Variants in HSPA5 observed in about 807,000 individuals in gnomAD.
HSPA5 encodes endoplasmic reticulum chaperone BiP.
In HSPA5, 16 loss-of-function variants were observed where a neutral mutation model predicts 49.5. That is an observed-to-expected ratio of 0.32 (90% confidence interval 0.22 to 0.49). HSPA5 has a LOEUF of 0.49. Among genes scored for constraint, HSPA5 ranks in the 20% least tolerant of loss-of-function variants. HSPA5 has a pLI of 0.99. For synonymous variants in HSPA5, 271 were observed against 307.2 expected (o/e 0.88, Z 1.23); for missense variants, 376 against 819.0 (o/e 0.46, Z 6.60).
Position 125,241,186 on chromosome 9 carries a change from A to G in HSPA5, c.-60T>C, listed in dbSNP as rs2131455536. On this transcript the variant is annotated 5_prime_UTR_variant, in exon 1 of 8. Transcript: ENST00000324460. ...GCCACAGGCCGTAGCACAGGAGCACAGCGCAATTTCCGACTTGCAGGCGGC... is the reference window on the plus strand; with the variant it reads ...GCCACAGGCCGTAGCACAGGAGCACGGCGCAATTTCCGACTTGCAGGCGGC... 1 of 1,551,234 alleles carries G rather than the reference A, an allele frequency of 6.4e-7. No homozygotes were observed. Among genetic ancestry groups the G allele is most frequent in the East Asian group, 2.3e-5 (1 of 44,276 alleles).
Position 125,236,822 on chromosome 9 carries a change from T to C in HSPA5, c.1735A>G (p.Lys579Glu). The C allele has an allele frequency of 6.2e-7, 1 of 1,613,802 alleles. No homozygotes were observed. The highest frequency in any genetic ancestry group is 1.1e-5 in the South Asian group (1 of 91,054). The change falls in exon 8 of 8, where the codon AAA becomes GAA. Residue 579 changes from lysine (K) to glutamate (E), a missense_variant. Transcript: ENST00000324460. The stretch of plus-strand genomic sequence containing the variant: ...GAAAGTTTACCTCCCAGCTTTTCTT[T>C]ATCTCCAATCTGATTCTTTAGAGAA... ...AYSLKNQIGD[K>E]EKLGGKLSSE...
At position 125,237,170 on chromosome 9, in the gene HSPA5, A is replaced by G. The variant is rs760584985; in HGVS notation, c.1403-16T>C. 32 of 1,574,888 alleles carry G rather than the reference A, an allele frequency of 2.0e-5. No individual in the cohort carries two copies. The Admixed American group carries it at 5.1e-4, about 25-fold the overall frequency. Reference sequence around the variant, plus strand: ...GGTCTTTCACCTAGAAGTTACATACAGAAAAACTTGTTAGTTGTTACTGAC... The same window carrying G: ...GGTCTTTCACCTAGAAGTTACATACGGAAAAACTTGTTAGTTGTTACTGAC... On this transcript the variant is annotated splice_polypyrimidine_tract_variant and intron_variant, in intron 7 of 7. Coordinates refer to ENST00000324460, the MANE Select transcript of HSPA5 (RefSeq NM_005347.5).
Position 125,241,123 on chromosome 9 carries a change from T to G in HSPA5, c.4A>C (p.Lys2Gln), listed in dbSNP as rs918826597. The change falls in exon 1 of 8, where the codon AAG becomes CAG. Residue 2 changes from lysine (K) to glutamine (Q), a missense_variant. By Grantham distance (53) the Lys-to-Gln change is moderately conservative. This residue lies in a region of HSPA5 where 29 missense variants were observed against 38.7 expected (regional missense o/e 0.75). Transcript: ENST00000324460. M[K>Q]LSLVAAMLLL... ...AGCATCGCGGCCACCAGGGAGAGCT[T>G]CATCTTGCCAGCCAGTTGGGCAGCA... is the stretch of plus-strand genomic sequence containing the variant. The G allele has an allele frequency of 6.2e-7, 1 of 1,610,972 alleles. No homozygotes were observed. The highest frequency in any genetic ancestry group is 1.3e-5 in the African/African-American group (1 of 74,866).
At position 125,240,650 on chromosome 9, in the gene HSPA5, A is replaced by C. The variant is rs776540483; in HGVS notation, c.354+26T>G. ...ACTCCCACCACCCACCCGTTCTCTA[A>C]CTGGATGAGAAAAACCCGGTCGAAC... is the stretch of plus-strand genomic sequence containing the variant. On this transcript the variant is annotated intron_variant, in intron 2 of 7. Transcript: ENST00000324460. This position sits in a 1 kb window ranked among gnomAD's most constrained non-coding sequence, Gnocchi z 4.4. 1 of 1,591,910 alleles carries C rather than the reference A, an allele frequency of 6.3e-7. No individual in the cohort carries two copies. The highest frequency in any genetic ancestry group is 1.1e-5 in the South Asian group (1 of 90,692).
chr9:125,240,356 CA>C lies in HSPA5; in HGVS notation c.355-48del, dbSNP rs1832548803. The C allele has an allele frequency of 6.5e-7, 1 of 1,546,572 alleles. No homozygotes were observed. Among genetic ancestry groups the C allele is most frequent in the Admixed American group, 2.0e-5 (1 of 51,254 alleles). On this transcript the variant is annotated intron_variant, in intron 2 of 7. Transcript: ENST00000324460. The surrounding 1 kb of genome is among the most constrained non-coding windows in gnomAD (Gnocchi z 4.4). ...TTCAGACACAGATACAATGACATCT[CA>C]AAGTTTAAAAGACCCACTACCATCC...
chr9:125,239,550 T>C lies in HSPA5; in HGVS notation c.493-17A>G, dbSNP rs1588431076. The C allele has an allele frequency of 6.4e-7, 1 of 1,561,846 alleles. No individual in the cohort carries two copies. The highest frequency in any genetic ancestry group is 1.4e-5 in the African/African-American group (1 of 73,964). ...ATGGGTAACCTAAAAGGATAAAAGA[T>C]AATTAAGTGTATTGTCACATAGTTT... On this transcript the variant is annotated splice_polypyrimidine_tract_variant and intron_variant, in intron 3 of 7. Coordinates refer to ENST00000324460, the MANE Select transcript of HSPA5 (RefSeq NM_005347.5). The surrounding 1 kb of genome is among the most constrained non-coding windows in gnomAD (Gnocchi z 5.5).
In HSPA5 at chr9:125,240,898, CA is replaced by C; in HGVS notation, c.131del (p.Val44GlyfsTer32). 6.2e-7 allele frequency: 1 copy of C among 1,614,056 alleles called. No homozygotes were observed. The highest frequency in any genetic ancestry group is 8.5e-7 in the Non-Finnish European group (1 of 1,179,868). On this transcript the variant is annotated frameshift_variant, in exon 2 of 8. Coordinates refer to ENST00000324460, the MANE Select transcript of HSPA5 (RefSeq NM_005347.5). LOFTEE classifies it high-confidence loss of function. This position sits in a 1 kb window ranked among gnomAD's most constrained non-coding sequence, Gnocchi z 4.4. ...TGATCTCCACGCGGCCGTTCTTGAA[CA>C]CGCCGACGCTGGCAGAAAAACCCGA... Reference protein sequence around the residue: ...DLGTTYSCVGVFKNGRVEIIA... With the variant: ...DLGTTYSCVGXFKNGRVEIIA...
chr9:125,240,610 CTT>C lies in HSPA5; in HGVS notation c.354+64_354+65del, dbSNP rs1360552437. The stretch of plus-strand genomic sequence containing the variant: ...TGTTGTCTCAACACTTTTCCAGAGA[CTT>C]ATAACTCTAAATACTCCCACCACCC... On this transcript the variant is annotated intron_variant, in intron 2 of 7. Coordinates refer to ENST00000324460, the MANE Select transcript of HSPA5 (RefSeq NM_005347.5). This position sits in a 1 kb window ranked among gnomAD's most constrained non-coding sequence, Gnocchi z 4.4. 12 of 1,336,594 alleles carry C rather than the reference CTT, an allele frequency of 9.0e-6. No individual in the cohort carries two copies. The highest frequency in any genetic ancestry group is 1.3e-5 in the Non-Finnish European group (12 of 938,278). 82.8% of individuals were successfully genotyped at this position (1,336,594 alleles called of 1,614,324 possible). A position where few individuals can be genotyped will look rare whatever the true frequency, so the allele number is the denominator to read the frequency against.
intron 7 of HSPA5, 72 bp from the exon 8 acceptor site, chr9:125,237,226 C>T (rs1832509285): frequency 9.2e-7 from 1 of 1,086,686 alleles, no homozygotes; most frequent in Non-Finnish European, 1.3e-6. Flanking sequence ...CCCCGCATTT[C>T]AGTCTGAAGC....
In HSPA5 at chr9:125,236,865, C is replaced by T. The variant is rs541632037; in HGVS notation, c.1692G>A (p.Glu564=). The change falls in exon 8 of 8, where the codon GAG becomes GAA. Residue 564 remains glutamate, a synonymous_variant. Coordinates refer to ENST00000324460, the MANE Select transcript of HSPA5 (RefSeq NM_005347.5). ...KLKERIDTRN[E]LESYAYSLKN... ...TTAGAGAATAGGCATAGCTTTCCAA[C>T]TCATTTCTAGTATCAATGCGCTCCT... The T allele has an allele frequency of 6.2e-7, 1 of 1,613,992 alleles. No homozygotes were observed. The highest frequency in any genetic ancestry group is 8.5e-7 in the Non-Finnish European group (1 of 1,179,878).
In HSPA5 at chr9:125,238,163, A is replaced by G. The variant is rs146420220; in HGVS notation, c.1380T>C (p.Thr460=). The G allele has an allele frequency of 1.4e-4, 222 of 1,613,592 alleles. No individual in the cohort carries two copies. Among genetic ancestry groups the G allele is most frequent in the Non-Finnish European group, 1.8e-4 (207 of 1,179,832 alleles). Residue 460 remains threonine, a synonymous_variant, in exon 7 of 8, where the codon ACT becomes ACC. Transcript: ENST00000324460. ...IFSTASDNQP[T]VTIKVYEGER... is the part of the protein sequence containing the mutation. ...TACCTTCATAGACCTTGATTGTAACAGTTGGTTGATTATCAGAAGCTGTAG... is the reference window on the plus strand; with the variant it reads ...TACCTTCATAGACCTTGATTGTAACGGTTGGTTGATTATCAGAAGCTGTAG...
rs1432966367 is a variant in HSPA5, at chr9:125,238,975, G to A, written c.962C>T (p.Thr321Ile). ...CTCTTCAAATTTGGCCCGAGTCAGG[G>A]TCTCAGAAAAGTCTTCTCCTTCATA... The part of the protein sequence containing the change: ...SFYEGEDFSE[T>I]LTRAKFEELN... The change falls in exon 5 of 8, where the codon ACC becomes ATC. Residue 321 changes from threonine to isoleucine, a missense_variant. Thr to Ile is a moderately conservative substitution (Grantham distance 89). This residue lies in a region of HSPA5 where 89 missense variants were observed against 155.9 expected (regional missense o/e 0.57). Transcript: ENST00000324460. The A allele has an allele frequency of 1.2e-6, 2 of 1,612,714 alleles. No individual in the cohort carries two copies. The highest frequency in any genetic ancestry group is 1.7e-6 in the Non-Finnish European group (2 of 1,179,486).
At chr9:125,238,467 C>T (rs1018208768) in intron 6 of HSPA5, 123 bp downstream of exon 6, 74 of 988,790 alleles carry the variant, frequency 7.5e-5, no homozygotes, top group Non-Finnish European at 9.5e-5. Flanking sequence ...CTTGTCTTCA[C>T]TTATACCCTT....
chr9:125,238,884 T>TC (rs1285881702), intron 5 of HSPA5, 57 bp from the exon 6 acceptor site: 4 of 1,606,460 alleles, frequency 2.5e-6, no homozygotes, highest in Admixed American at 3.4e-5. Flanking sequence ...AGATGCAATG[T>TC]CCTGAATTCA....
chr9:125,238,547 A>C, intron 6 of HSPA5, 43 bp downstream of exon 6: 1 of 1,460,592 alleles, frequency 6.8e-7, no homozygotes, highest in Middle Eastern at 2.1e-4. Flanking sequence ...GTCTTCCATC[A>C]AGCTACTGAA....
rs868145616 is a variant in HSPA5 at position 125,238,673 on chromosome 9, G to A, written c.1151C>T (p.Pro384Leu). ...LVKEFFNGKE[P>L]SRGINPDEAV... ...TTCATCTGGGTTTATGCCACGGGAT[G>A]GTTCCTTGCCATTGAAGAACTCTTT... is the stretch of plus-strand genomic sequence containing the variant. Residue 384 changes from proline (P) to leucine (L), a missense_variant, in exon 6 of 8, where the codon CCA (proline) becomes CTA (leucine). Around this residue, in one of 8 missense-constraint regions of HSPA5, gnomAD observed 89 missense variants for 155.9 expected, o/e 0.57. Transcript: ENST00000324460. 6.2e-7 allele frequency: 1 copy of A among 1,614,164 alleles called. No individual in the cohort carries two copies. Among genetic ancestry groups the A allele is most frequent in the Non-Finnish European group, 8.5e-7 (1 of 1,180,034 alleles).
At position 125,236,868 on chromosome 9, in the gene HSPA5, A is replaced by G; in HGVS notation, c.1689T>C (p.Asn563=). 1 of 1,613,900 alleles carries G rather than the reference A, an allele frequency of 6.2e-7. No homozygotes were observed. Among genetic ancestry groups the G allele is most frequent in the Non-Finnish European group, 8.5e-7 (1 of 1,179,866 alleles). ...GAGAATAGGCATAGCTTTCCAACTC[A>G]TTTCTAGTATCAATGCGCTCCTTGA... ...KKLKERIDTR[N]ELESYAYSLK... is the part of the protein sequence containing the mutation. Residue 563 remains asparagine (N), a synonymous_variant, in exon 8 of 8, where the codon AAT becomes AAC. Coordinates refer to ENST00000324460, the MANE Select transcript of HSPA5 (RefSeq NM_005347.5).
In HSPA5 at chr9:125,236,865, C is replaced by A. The variant is rs541632037; in HGVS notation, c.1692G>T (p.Glu564Asp). Residue 564 changes from glutamate (E) to aspartate (D), a missense_variant, in exon 8 of 8, where the codon GAG becomes GAT. By Grantham distance (45) the Glu-to-Asp change is conservative. Around this residue, in one of 8 missense-constraint regions of HSPA5, gnomAD observed 71 missense variants for 169.9 expected, o/e 0.42. Transcript: ENST00000324460. ...KLKERIDTRN[E>D]LESYAYSLKN... ...TTAGAGAATAGGCATAGCTTTCCAACTCATTTCTAGTATCAATGCGCTCCT... is the reference window on the plus strand; with the variant it reads ...TTAGAGAATAGGCATAGCTTTCCAAATCATTTCTAGTATCAATGCGCTCCT... The A allele has an allele frequency of 6.2e-7, 1 of 1,613,992 alleles. No homozygotes were observed. The highest frequency in any genetic ancestry group is 1.3e-5 in the African/African-American group (1 of 75,054).
intron 7 of HSPA5, 80 bp downstream of exon 7, chr9:125,238,061 C>T: frequency 9.2e-7 from 1 of 1,083,290 alleles, no homozygotes; most frequent in South Asian, 1.4e-5. Flanking sequence ...GAGATCGTGC[C>T]ACTGCAGTCC....
Sources: gnomAD v4.1 joint callset for allele counts on GRCh38, gnomAD v4.1.1 for gene constraint, gnomAD v4.1.1 regional missense constraint, Gnocchi (gnomAD v3.1) non-coding constraint, MANE v1.5 for transcripts, NCBI Gene and HGNC (gene_info 2026-07-23, HGNC 2026-07-21) for gene names.